TENM4: variants seen among roughly 807,000 people sequenced by gnomAD.
TENM4 encodes the protein teneurin-4.
A neutral mutation model predicts 243.3 loss-of-function variants in TENM4; 82 were observed. The ratio of observed to expected loss-of-function variants is 0.34; its 90% CI spans 0.28 to 0.40. The LOEUF (loss-of-function observed/expected upper bound fraction) is 0.40. Among genes scored for constraint, TENM4 ranks in the 10% least tolerant of loss-of-function variants. The pLI is 1.00. For missense variants in TENM4, 3,138 were observed against 3,673.3 expected, an observed-to-expected ratio of 0.85 and a Z score of 3.77; for synonymous variants, 1,412 against 1,456.3, an observed-to-expected ratio of 0.97 and a Z score of 0.69.
At chr11:79,384,929 A>C (rs1289139030) in intron 1 of TENM4, among the ~76,000 whole-genome samples, 2 of 136,138 alleles carry the variant, frequency 1.5e-5, no homozygotes, top group Admixed American at 1.5e-4. Context: ...CCGTCTCAAA[A>C]AATAAAATTA....
At chr11:78,722,639 A>T (rs1411961232) in intron 24 of TENM4, 29 bp downstream of exon 24, 1 of 1,601,220 alleles carries the variant, frequency 6.2e-7, no homozygotes, top group Admixed American at 1.7e-5. Context: ...TATTATTAGG[A>T]ACTATGAAGA....
At chr11:78,909,278 A>G (rs771892830) in intron 6 of TENM4, among the ~76,000 whole-genome samples, 7 of 152,162 alleles carry the variant, frequency 4.6e-5, no homozygotes, top group Non-Finnish European at 1.0e-4. Context: ...ATTAGTTAAC[A>G]TTTACTGAGT....
Position 79,078,525 on chromosome 11 carries a change from T to C in TENM4, c.-65-8516A>G, listed in dbSNP as rs183990915. On this transcript the variant is annotated intron_variant, in intron 4 of 33. Coordinates refer to ENST00000278550, the MANE Select transcript of TENM4 (RefSeq NM_001098816.3). ...TTGTGCAAACCAGAGAAGGAGGCAC[T>C]CCTATCCCCACTTTACTGATTTAGA... is the stretch of plus-strand genomic sequence containing the variant. 2.4e-4 allele frequency among the ~76,000 whole-genome samples: 36 copies of C among 152,290 alleles called. No homozygotes were observed. In the East Asian group the frequency reaches 6.8e-3, roughly 29 times the overall value.
intron 6 of TENM4, among the ~76,000 whole-genome samples, chr11:79,033,024 T>G (rs1218265841): frequency 6.6e-6 from 1 of 152,084 alleles, no homozygotes; most frequent in Non-Finnish European, 1.5e-5. Flanking sequence ...TTCCCTCTGC[T>G]CCTCAACCTC....
At position 78,811,994 on chromosome 11, in the gene TENM4, C is replaced by T. The variant is rs921318929; in HGVS notation, c.1978+128G>A. The T allele has an allele frequency of 3.9e-5, 47 of 1,205,914 alleles. No individual in the cohort carries two copies. The African/African-American group carries it at 7.2e-4, about 18-fold the overall frequency. The allele number at this position is 1,205,914 out of a possible 1,614,324, so 74.7% of individuals were successfully genotyped here. On this transcript the variant is annotated intron_variant, in intron 14 of 33. Coordinates refer to ENST00000278550, the MANE Select transcript of TENM4 (RefSeq NM_001098816.3). ...GTTACTGTTGCTGGTGGGTGGGCTC[C>T]TGGCTTGGGGAGGTGGGGTCACAAA...
chr11:79,129,607 C>T (rs1861957796), intron 4 of TENM4, among the ~76,000 whole-genome samples: 1 of 152,044 alleles, frequency 6.6e-6, no homozygotes, highest in South Asian at 2.1e-4. Flanking sequence ...CCTGTGATTG[C>T]TGGCTTTCCC....
At chr11:79,424,127 C>A (rs546944646) in intron 1 of TENM4, among the ~76,000 whole-genome samples, 2 of 152,208 alleles carry the variant, frequency 1.3e-5, no homozygotes, top group African/African-American at 2.4e-5. Context: ...TGGCTTCCAA[C>A]CAGGGACGGA....
Position 78,702,124 on chromosome 11 carries a change from C to T in TENM4, c.4489G>A (p.Val1497Ile), listed in dbSNP as rs868125910. Residue 1497 changes from valine to isoleucine, a missense_variant, in exon 28 of 34, where the codon GTC (valine) becomes ATC (isoleucine). Around this residue, in one of 2 missense-constraint regions of TENM4, gnomAD observed 2,467 missense variants for 3,059.1 expected, o/e 0.81. Coordinates refer to ENST00000278550, the MANE Select transcript of TENM4 (RefSeq NM_001098816.3). The stretch of plus-strand genomic sequence containing the variant: ...AGTGAGATCTCTCCACTAGTGGTGA[C>T]CTGCCTGATGCGGTTGATCTTTTTC... ...DEKKINRIRQ[V>I]TTSGEISLVA... 12 of 1,613,838 alleles carry T rather than the reference C, an allele frequency of 7.4e-6. No individual in the cohort carries two copies. In the African/African-American group the frequency reaches 1.3e-4, roughly 18 times the overall value.
At chr11:78,677,912 A>G (rs1485886220) in intron 29 of TENM4, among the ~76,000 whole-genome samples, 1 of 118,824 alleles carries the variant, frequency 8.4e-6, no homozygotes. Context: ...TCCCAATGCT[A>G]TCCCTCCCCC....
intron 18 of TENM4, among the ~76,000 whole-genome samples, chr11:78,757,882 T>C (rs11821112): frequency 0.058 from 8,900 of 152,216 alleles, 872 homozygotes; most frequent in African/African-American, 0.2. Context: ...AGAGTTTCCA[T>C]TAGCAGGGAA....
chr11:78,807,093 A>G (rs1188029414), intron 14 of TENM4, among the ~76,000 whole-genome samples: 1 of 152,228 alleles, frequency 6.6e-6, no homozygotes, highest in Non-Finnish European at 1.5e-5. Context: ...TTATCCATTC[A>G]TACATCAACT....
At chr11:79,254,733 G>A (rs536653922) in intron 2 of TENM4, among the ~76,000 whole-genome samples, 1 of 152,190 alleles carries the variant, frequency 6.6e-6, no homozygotes, top group Non-Finnish European at 1.5e-5. Context: ...ATGCCACGCT[G>A]GTGAGGTGAG....
chr11:78,850,414 G>A (rs1858508496), intron 12 of TENM4, among the ~76,000 whole-genome samples: 1 of 152,120 alleles, frequency 6.6e-6, no homozygotes, highest in Non-Finnish European at 1.5e-5. Context: ...TGTGTGTTAA[G>A]CAAACCCGAG....
intron 6 of TENM4, among the ~76,000 whole-genome samples, chr11:79,033,443 A>G (rs563708762): frequency 3.9e-5 from 6 of 152,326 alleles, no homozygotes; most frequent in Admixed American, 3.9e-4. Flanking sequence ...TGCACAAGGC[A>G]CTTACACTCA....
intron 1 of TENM4, among the ~76,000 whole-genome samples, chr11:79,416,312 G>T (rs1045324637): frequency 6.6e-6 from 1 of 152,184 alleles, no homozygotes; most frequent in Non-Finnish European, 1.5e-5. Flanking sequence ...TTAAGAAGCT[G>T]CCAAGCTGTT....
At chr11:79,353,306 T>C (rs1857445119) in intron 1 of TENM4, among the ~76,000 whole-genome samples, 1 of 152,184 alleles carries the variant, frequency 6.6e-6, no homozygotes, top group African/African-American at 2.4e-5. Context: ...TAAATCTATC[T>C]GATAAAACAG....
At chr11:79,338,104 T>C (rs1027065698) in intron 1 of TENM4, among the ~76,000 whole-genome samples, 4 of 152,232 alleles carry the variant, frequency 2.6e-5, no homozygotes, top group Non-Finnish European at 4.4e-5. Flanking sequence ...TCATGCCAGC[T>C]TGGTGACTGC....
rs200355646 is a variant in TENM4, at chr11:78,688,035, T to C, written c.5260+19A>G. 5 of 1,612,298 alleles carry C rather than the reference T, an allele frequency of 3.1e-6. No homozygotes were observed. The highest frequency in any genetic ancestry group is 4.5e-5 in the East Asian group (2 of 44,876). ...CCCACCCCTCTGCCTCAAAGTCCCC[T>C]GGCCCCCACCTGACTTACCTTGCAG... On this transcript the variant is annotated intron_variant, in intron 29 of 33. Coordinates refer to ENST00000278550, the MANE Select transcript of TENM4 (RefSeq NM_001098816.3).
intron 28 of TENM4, among the ~76,000 whole-genome samples, chr11:78,691,830 C>T (rs908301655): frequency 6.6e-6 from 1 of 152,136 alleles, no homozygotes. Flanking sequence ...ATAAAATTTT[C>T]TTGTCTCCTA....
Sources: allele counts gnomAD v4.1 joint callset (sites outside exome capture counted in the v4.1 genomes callset), GRCh38; gene constraint gnomAD v4.1.1; regional missense constraint gnomAD v4.1.1; transcripts MANE v1.5; gene names NCBI Gene and HGNC (gene_info 2026-07-23, HGNC 2026-07-21).